Variants in ZC3H12B observed in about 807,000 individuals in gnomAD.
The protein encoded by ZC3H12B is probable ribonuclease ZC3H12B.
A neutral mutation model predicts 43.9 loss-of-function variants in ZC3H12B; 7 were observed. That is an observed-to-expected ratio of 0.16 (90% CI 0.09 to 0.30). The LOEUF (loss-of-function observed/expected upper bound fraction) is 0.30. ZC3H12B is among the 10% of genes least tolerant of loss of function. The pLI, the probability that ZC3H12B is intolerant of heterozygous loss-of-function variation, is 1.00. For synonymous variants in ZC3H12B, 222 were observed against 241.7 expected (o/e 0.92, Z 0.76); for missense variants, 475 against 670.2 (o/e 0.71, Z 3.22).
At chrX:65,300,998 A>T in the ZC3H12B span, among the ~76,000 whole-genome samples, 1 of 110,923 alleles carries the variant, frequency 9.0e-6, no homozygotes, top group African/African-American at 3.3e-5. Context: ...AAAAAAAAAA[A>T]ATACCATCAA....
intron 3 of ZC3H12B, among the ~76,000 whole-genome samples, chrX:65,456,073 C>G (rs1411532875): frequency 1.8e-5 from 2 of 111,401 alleles, no homozygotes; most frequent in South Asian, 7.5e-4. Context: ...CATCAACTAA[C>G]GAGCAAAATA....
chrX:65,174,275 T>A, the ZC3H12B span, among the ~76,000 whole-genome samples: 2 of 112,156 alleles, frequency 1.8e-5, no homozygotes, highest in Non-Finnish European at 3.8e-5. Flanking sequence ...GCTCAAGTAC[T>A]GTGTTGGAAG....
chrX:65,205,800 T>G, the ZC3H12B span, among the ~76,000 whole-genome samples: 1 of 111,826 alleles, frequency 8.9e-6, no homozygotes, highest in Non-Finnish European at 1.9e-5. Flanking sequence ...CTCCTAGAAC[T>G]GATAAATGAA....
At chrX:65,304,978 A>G in the ZC3H12B span, among the ~76,000 whole-genome samples, 1 of 112,133 alleles carries the variant, frequency 8.9e-6, no homozygotes, top group African/African-American at 3.2e-5. Context: ...AAAACCAAAT[A>G]AATAATGGAC....
chrX:65,488,865 C>G (rs1053545459), exon 1 of ZC3H12B: 2 of 1,208,583 alleles, frequency 1.7e-6, no homozygotes, highest in East Asian at 5.9e-5. Context: ...GGAAGAGAAG[C>G]AGCAGCCTAA....
At chrX:65,073,162 G>A in the ZC3H12B span, among the ~76,000 whole-genome samples, 1 of 112,725 alleles carries the variant, frequency 8.9e-6, no homozygotes. Context: ...CACACTGGCA[G>A]CAGTGGCAGT....
chrX:65,282,497 GA>G, the ZC3H12B span, among the ~76,000 whole-genome samples: 1 of 111,332 alleles, frequency 9.0e-6, no homozygotes, highest in South Asian at 3.7e-4. Flanking sequence ...ATTACTTTTT[GA>G]GACTCAAAAA....
At chrX:65,299,482 A>T in the ZC3H12B span, among the ~76,000 whole-genome samples, 1 of 112,197 alleles carries the variant, frequency 8.9e-6, no homozygotes, top group African/African-American at 3.2e-5. Flanking sequence ...TAACATTCAA[A>T]AGTCATTAAT....
the ZC3H12B span, among the ~76,000 whole-genome samples, chrX:65,240,381 A>G: frequency 4.6e-4 from 52 of 111,925 alleles, no homozygotes; most frequent in Non-Finnish European, 7.5e-4. Flanking sequence ...TACTTGTGAT[A>G]GCATTGTCAA....
the ZC3H12B span, among the ~76,000 whole-genome samples, chrX:65,251,690 C>T: frequency 5.4e-5 from 6 of 111,046 alleles, no homozygotes; most frequent in East Asian, 5.6e-4. Context: ...TATTTTATTC[C>T]CTTTGAAGCA....
At chrX:65,144,524 G>A in the ZC3H12B span, among the ~76,000 whole-genome samples, 1 of 111,256 alleles carries the variant, frequency 9.0e-6, no homozygotes, top group Non-Finnish European at 1.9e-5. Flanking sequence ...TGGGTTTGGT[G>A]TGTTCTTGTT....
chrX:65,305,053 T>C, the ZC3H12B span, among the ~76,000 whole-genome samples: 2 of 111,865 alleles, frequency 1.8e-5, no homozygotes, highest in East Asian at 5.6e-4. Flanking sequence ...CAAGAAACAA[T>C]GATAAATATT....
the ZC3H12B span, among the ~76,000 whole-genome samples, chrX:65,352,709 G>T: frequency 1.8e-5 from 2 of 111,297 alleles, no homozygotes; most frequent in Non-Finnish European, 3.8e-5. Context: ...CCTGTGTTGA[G>T]CAAGTCTATT....
intron 2 of ZC3H12B, among the ~76,000 whole-genome samples, chrX:65,385,419 T>C (rs1239861124): frequency 2.7e-5 from 3 of 111,754 alleles, no homozygotes; most frequent in South Asian, 7.5e-4. Context: ...CCATTGTGAA[T>C]GGGAGTTCAC....
the ZC3H12B span, among the ~76,000 whole-genome samples, chrX:65,192,268 G>C: frequency 9.0e-6 from 1 of 111,643 alleles, no homozygotes; most frequent in African/African-American, 3.3e-5. Flanking sequence ...TGAAAAAAAT[G>C]TATATTTTGT....
At chrX:65,193,808 G>T in the ZC3H12B span, among the ~76,000 whole-genome samples, 1 of 111,443 alleles carries the variant, frequency 9.0e-6, no homozygotes. Context: ...ATATCTCATT[G>T]TATTAGTCTG....
intron 3 of ZC3H12B, among the ~76,000 whole-genome samples, chrX:65,420,256 C>G (rs373960446): frequency 8.9e-6 from 1 of 112,029 alleles, no homozygotes; most frequent in Non-Finnish European, 1.9e-5. Context: ...CTCACAGACA[C>G]AGGCTTCAGG....
intron 3 of ZC3H12B, among the ~76,000 whole-genome samples, chrX:65,466,484 G>T (rs1441139781): frequency 9.1e-6 from 1 of 109,765 alleles, no homozygotes; most frequent in African/African-American, 3.3e-5. Context: ...TGGACATTAA[G>T]GTTTTCTCTT....
At chrX:65,372,670 A>G (rs1986894) in intron 2 of ZC3H12B, among the ~76,000 whole-genome samples, 15,845 of 110,645 alleles carry the variant, frequency 0.14, 2,728 homozygotes, top group African/African-American at 0.49. Flanking sequence ...AGGAAGGAAA[A>G]CTTTCAATTT....
Sources: allele counts gnomAD v4.1 joint callset (sites outside exome capture counted in the v4.1 genomes callset), GRCh38; gene constraint gnomAD v4.1.1; transcripts MANE v1.5; gene names NCBI Gene and HGNC (gene_info 2026-07-23, HGNC 2026-07-21).